DST: variants seen among roughly 807,000 people sequenced by gnomAD.
DST encodes bullous pemphigoid antigen.
DST carries 253 observed loss-of-function variants against 875.2 expected under a neutral mutation model. The ratio of observed to expected loss-of-function variants is 0.29; its 90% CI spans 0.26 to 0.32. The LOEUF (loss-of-function observed/expected upper bound fraction) is 0.32, where lower values mean the gene tolerates loss of function less well. DST is among the 10% of genes least tolerant of loss of function. DST has a pLI of 1.00. For missense variants in DST, 8,287 were observed against 9,111.6 expected (o/e 0.91, Z 3.68); for synonymous variants, 3,124 against 3,197.1 (o/e 0.98, Z 0.77).
chr6:56,949,579 T>C (rs567207634), intron 2 of DST, among the ~76,000 whole-genome samples: 50 of 152,326 alleles, frequency 3.3e-4, no homozygotes, highest in Non-Finnish European at 5.7e-4. Context: ...CCCTATTGTC[T>C]AACACAGTAC....
intron 3 of DST, among the ~76,000 whole-genome samples, chr6:56,878,820 C>G (rs573898129): frequency 1.4e-4 from 21 of 152,232 alleles, no homozygotes; most frequent in African/African-American, 4.6e-4. Context: ...GAATCTCTGT[C>G]AAGCTGAGAG....
At chr6:56,695,126 C>CAAAAAAAAAAA (rs34456344) in intron 9 of DST, among the ~76,000 whole-genome samples, 71 of 70,034 alleles carry the variant, frequency 1.0e-3, no homozygotes, top group African/African-American at 3.4e-3. Flanking sequence ...GACTCCCTCT[C>CAAAAAAAAAAA]AAAAAAAAAA....
At chr6:56,610,691 T>C (rs1342826087) in intron 38 of DST, 129 bp from the exon 39 acceptor site, 6 of 659,130 alleles carry the variant, frequency 9.1e-6, no homozygotes, top group Non-Finnish European at 1.4e-5. Context: ...TGCTCAGGTC[T>C]CAGTATGACT....
At chr6:56,890,012 A>G (rs749092227) in intron 3 of DST, among the ~76,000 whole-genome samples, 2 of 152,248 alleles carry the variant, frequency 1.3e-5, no homozygotes, top group Non-Finnish European at 2.9e-5. Flanking sequence ...AGTTAGAAAA[A>G]TGAGACTCAA....
At position 56,604,799 on chromosome 6, in the gene DST, G is replaced by T; in HGVS notation, c.9829C>A (p.Arg3277Ser). 6.2e-7 allele frequency: 1 copy of T among 1,612,610 alleles called. No individual in the cohort carries two copies. Among genetic ancestry groups the T allele is most frequent in the South Asian group, 1.1e-5 (1 of 91,018 alleles). ...TTCCCAACATCTTCTACATGTTTAC[G>T]AGATAATATTGAAAGTGTGGCTTCA... ...SIEATLSILS[R>S]KHVEDVGKND... Residue 3277 changes from arginine (R) to serine (S), a missense_variant, in exon 40 of 104, where the codon CGT becomes AGT. Physicochemically the swap from Arg to Ser is moderately radical, Grantham distance 110 (BLOSUM62 -1). Around this residue, in one of 10 missense-constraint regions of DST, gnomAD observed 3,138 missense variants for 3,116.6 expected, o/e 1.01. Transcript: ENST00000680361.
intron 9 of DST, among the ~76,000 whole-genome samples, chr6:56,695,546 A>G (rs1278798476): frequency 6.6e-6 from 1 of 152,116 alleles, no homozygotes; most frequent in African/African-American, 2.4e-5. Flanking sequence ...AATTTCCTAC[A>G]TTCTCTAAAG....
chr6:56,697,168 G>A (rs2099268474), intron 9 of DST, among the ~76,000 whole-genome samples: 1 of 151,834 alleles, frequency 6.6e-6, no homozygotes, highest in African/African-American at 2.4e-5. Context: ...AATCTCTCAG[G>A]CTAAAAAGTT....
chr6:56,927,329 C>T (rs1807713063), intron 2 of DST, among the ~76,000 whole-genome samples: 1 of 152,054 alleles, frequency 6.6e-6, no homozygotes, highest in Non-Finnish European at 1.5e-5. Flanking sequence ...CAACAAAAGC[C>T]TGGAAATGTT....
intron 36 of DST, chr6:56,617,486 A>C: frequency 7.5e-7 from 1 of 1,341,436 alleles, no homozygotes; most frequent in Non-Finnish European, 1.1e-6. Context: ...TCCATTCTCA[A>C]TCCAAACATA....
chr6:56,857,033 A>G (rs1394593847), intron 3 of DST, among the ~76,000 whole-genome samples: 3 of 150,850 alleles, frequency 2.0e-5, no homozygotes, highest in Non-Finnish European at 4.4e-5. Context: ...TTTTTACGAG[A>G]CAAGGTCTTG....
At chr6:56,492,595 G>A (rs528127100) in intron 84 of DST, among the ~76,000 whole-genome samples, 162 bp from the exon 85 acceptor site, 43 of 152,266 alleles carry the variant, frequency 2.8e-4, no homozygotes, top group Non-Finnish European at 5.4e-4. Flanking sequence ...CTGTCAGCCG[G>A]GTGCAGTGGC....
chr6:56,565,366 G>A (rs557324160), intron 55 of DST, among the ~76,000 whole-genome samples: 47 of 151,926 alleles, frequency 3.1e-4, no homozygotes, highest in Non-Finnish European at 4.9e-4. Context: ...TGATCCGCTC[G>A]CCTTGGCCTC....
intron 36 of DST, among the ~76,000 whole-genome samples, chr6:56,623,259 T>A (rs955487555): frequency 2.2e-4 from 34 of 152,316 alleles, no homozygotes; most frequent in African/African-American, 7.7e-4. Context: ...ATATGTATAA[T>A]CAGATACATA....
chr6:56,720,978 G>GC (rs897206441), intron 5 of DST, among the ~76,000 whole-genome samples: 4 of 151,564 alleles, frequency 2.6e-5, no homozygotes, highest in Non-Finnish European at 1.5e-5. Context: ...GGGCAGAGGC[G>GC]CCCCCCGCCA....
chr6:56,740,644 A>C (rs2099543586), intron 4 of DST, among the ~76,000 whole-genome samples: 1 of 152,196 alleles, frequency 6.6e-6, no homozygotes, highest in Non-Finnish European at 1.5e-5. Flanking sequence ...TTTCAAATGG[A>C]AGTGCTGACC....
At chr6:56,853,919 C>CCA (rs141015592) in intron 3 of DST, among the ~76,000 whole-genome samples, 3 of 151,464 alleles carry the variant, frequency 2.0e-5, no homozygotes, top group East Asian at 3.9e-4. Context: ...AATATGGACC[C>CCA]CACACACACA....
intron 3 of DST, among the ~76,000 whole-genome samples, chr6:56,878,276 G>A (rs980755389): frequency 2.0e-5 from 3 of 152,142 alleles, no homozygotes; most frequent in Non-Finnish European, 4.4e-5. Context: ...TAAACCAAGG[G>A]AGAGGGCTTC....
rs1252831580 is a variant in DST, at chr6:56,527,457, A to G, written c.17922+36T>C. On this transcript the variant is annotated intron_variant, in intron 68 of 103. Coordinates refer to ENST00000680361, the MANE Select transcript of DST (RefSeq NM_001374736.1). ...GTGTGAATAAGACTGCCTAAAAGAT[A>G]AAAGACTAATCCAAAATGCAGAAAT... The G allele has an allele frequency of 3.1e-6, 5 of 1,600,574 alleles. No individual in the cohort carries two copies. The East Asian group carries it at 1.1e-4, about 36-fold the overall frequency.
intron 53 of DST, 112 bp downstream of exon 53, chr6:56,571,988 T>G (rs992680742): frequency 2.1e-6 from 1 of 481,418 alleles, no homozygotes; most frequent in Non-Finnish European, 3.3e-6. Flanking sequence ...AGTAGCCCTA[T>G]GCTTATTCTC....
Sources: gnomAD v4.1 joint callset for allele counts (sites outside exome capture counted in the v4.1 genomes callset) on GRCh38, gnomAD v4.1.1 for gene constraint, gnomAD v4.1.1 regional missense constraint, MANE v1.5 for transcripts, NCBI Gene and HGNC (gene_info 2026-07-23, HGNC 2026-07-21) for gene names.